Variants in PGAP1 observed in about 807,000 individuals in gnomAD.
PGAP1 encodes the protein post-GPI attachment to proteins inositol deacylase 1, also known as GPI inositol-deacylase.
In PGAP1, 76 loss-of-function variants were observed where a neutral mutation model predicts 127.0. That is an observed-to-expected ratio of 0.60 (90% CI 0.50 to 0.72). The LOEUF is 0.72. PGAP1 is among the 30% of genes least tolerant of loss of function. The pLI, the probability that PGAP1 is intolerant of heterozygous loss-of-function variation, is 0.00. For missense variants in PGAP1, 982 were observed against 1,071.3 expected, an observed-to-expected ratio of 0.92 and a Z score of 1.16; for synonymous variants, 362 against 366.5, an observed-to-expected ratio of 0.99 and a Z score of 0.14.
Position 196,879,707 on chromosome 2 carries a change from CA to C in PGAP1, c.1350+368del, listed in dbSNP as rs372776790. The stretch of plus-strand genomic sequence containing the variant: ...AAGACTCTTTCTCAAAAAAACAAAA[CA>C]AAACCAGGGTCATGTCTTCATTTGT... On this transcript the variant is annotated intron_variant, in intron 13 of 26. Coordinates refer to ENST00000354764, the MANE Select transcript of PGAP1 (RefSeq NM_024989.4). 1.2e-3 allele frequency among the ~76,000 whole-genome samples: 178 copies of C among 152,178 alleles called. 2 individuals carry two copies. The South Asian group carries it at 0.035, about 30-fold the overall frequency.
rs1038285663 is a variant in PGAP1, at chr2:196,833,188, T to C, written c.*8046A>G. 1.3e-5 allele frequency: 2 copies of C among 152,564 alleles called. No homozygotes were observed. The highest frequency in any genetic ancestry group is 2.9e-5 in the Non-Finnish European group (2 of 68,018). 9.5% of individuals were successfully genotyped at this position (152,564 alleles called of 1,614,324 possible). ...AACATTCACAACACACTCTACAGAA[T>C]ATAGTAAGTAGTACTTTTTGTGAAT... is the stretch of plus-strand genomic sequence containing the variant. On this transcript the variant is annotated 3_prime_UTR_variant, in exon 27 of 27. Transcript: ENST00000354764.
chr2:196,917,740 A>G (rs1703063667), intron 2 of PGAP1, among the ~76,000 whole-genome samples: 1 of 152,174 alleles, frequency 6.6e-6, no homozygotes, highest in East Asian at 1.9e-4. Flanking sequence ...TCTATTTATC[A>G]GCTGATGGTC....
rs10460392 is a variant in PGAP1 at position 196,846,515 on chromosome 2, G to T, written c.2150+488C>A. Reference sequence around the variant, plus strand: ...TAAGGAGGAGTGGCAATGGGCACTAGATTGATGATTTACCAGGAAAGCCTA... The same window carrying T: ...TAAGGAGGAGTGGCAATGGGCACTATATTGATGATTTACCAGGAAAGCCTA... On this transcript the variant is annotated intron_variant, in intron 22 of 26. Coordinates refer to ENST00000354764, the MANE Select transcript of PGAP1 (RefSeq NM_024989.4). Among the ~76,000 whole-genome samples the T allele has an allele frequency of 1.1e-3, 163 of 152,232 alleles. No individual in the cohort carries two copies. In the East Asian group the frequency reaches 0.019, roughly 18 times the overall value.
chr2:196,917,113 C>T (rs1703037483), intron 2 of PGAP1, among the ~76,000 whole-genome samples: 1 of 152,160 alleles, frequency 6.6e-6, no homozygotes, highest in Non-Finnish European at 1.5e-5. Flanking sequence ...CCACTATTGT[C>T]CTAATCCAAA....
rs1700298524 is a variant in PGAP1 at position 196,838,539 on chromosome 2, T to C, written c.*2695A>G. On this transcript the variant is annotated 3_prime_UTR_variant, in exon 27 of 27. Transcript: ENST00000354764. Reference sequence around the variant, plus strand: ...AGACTCAATGAAGACCCTGTCAAAATGTAAGTGTATACATATGTGTCTGTA... The same window carrying C: ...AGACTCAATGAAGACCCTGTCAAAACGTAAGTGTATACATATGTGTCTGTA... The C allele has an allele frequency of 1.3e-5, 2 of 152,212 alleles. No homozygotes were observed. Among genetic ancestry groups the C allele is most frequent in the South Asian group, 4.1e-4 (2 of 4,834 alleles). 9.4% of individuals were successfully genotyped at this position (152,212 alleles called of 1,614,324 possible).
intron 20 of PGAP1, among the ~76,000 whole-genome samples, chr2:196,856,812 G>C (rs758098081): frequency 6.6e-6 from 1 of 152,166 alleles, no homozygotes; most frequent in African/African-American, 2.4e-5. Flanking sequence ...TATTCAACTG[G>C]TTGTGTTTAA....
intron 5 of PGAP1, 136 bp from the exon 6 acceptor site, chr2:196,898,505 G>T: frequency 1.8e-6 from 1 of 546,414 alleles, no homozygotes; most frequent in Non-Finnish European, 3.3e-6. Context: ...ATTTTTAAAT[G>T]ATATTCTTAT....
chr2:196,847,963 T>C lies in PGAP1; in HGVS notation c.1936A>G (p.Ile646Val). ...AAAACTTACCCCAACAGAAACTTAATGATAATTACAAAAGGATCAACTTTG... is the reference window on the plus strand; with the variant it reads ...AAAACTTACCCCAACAGAAACTTAACGATAATTACAAAAGGATCAACTTTG... ...PYKVDPFVII[I>V]KFLLGYKWFK... The change falls in exon 21 of 27, where the codon ATT (isoleucine) becomes GTT (valine). Residue 646 changes from isoleucine (I) to valine (V), a missense_variant. By Grantham distance (29) the Ile-to-Val change is conservative. Coordinates refer to ENST00000354764, the MANE Select transcript of PGAP1 (RefSeq NM_024989.4). The C allele has an allele frequency of 6.3e-7, 1 of 1,588,906 alleles. No homozygotes were observed. Among genetic ancestry groups the C allele is most frequent in the South Asian group, 1.2e-5 (1 of 85,688 alleles).
intron 18 of PGAP1, among the ~76,000 whole-genome samples, chr2:196,871,906 A>C (rs1701421723): frequency 6.6e-6 from 1 of 152,204 alleles, no homozygotes; most frequent in African/African-American, 2.4e-5. Context: ...TCATGAATCC[A>C]TAAGTAACTA....
In PGAP1 at chr2:196,923,312, T is replaced by C. The variant is rs563829391; in HGVS notation, c.147+3158A>G. Among the ~76,000 whole-genome samples the C allele has an allele frequency of 3.9e-5, 6 of 152,332 alleles. No homozygotes were observed. The South Asian group carries it at 1.0e-3, about 26-fold the overall frequency. On this transcript the variant is annotated intron_variant, in intron 1 of 26. Coordinates refer to ENST00000354764, the MANE Select transcript of PGAP1 (RefSeq NM_024989.4). ...TACTATTTATGCCTGCAATGTTCTT[T>C]CAGTACTTCATACACCCTCCATGTC...
intron 2 of PGAP1, 104 bp from the exon 3 acceptor site, chr2:196,916,697 A>G (rs773275799): frequency 4.4e-5 from 49 of 1,115,126 alleles, no homozygotes; most frequent in Non-Finnish European, 5.8e-5. Flanking sequence ...CATCACGAAT[A>G]TAAACCACCT....
rs774139284 is a variant in PGAP1 at position 196,890,853 on chromosome 2, T to G, written c.1148A>C (p.His383Pro). ...CAGCATAGTGCTCTGACAATAGACA[T>G]GAGTGTAGATTTTTCTATGATTTTC... ...PLENHRKIYT[H>P]VYCQSTMLDT... Residue 383 changes from histidine to proline, a missense_variant, in exon 10 of 27, where the codon CAT (histidine) becomes CCT (proline). Transcript: ENST00000354764. 3.9e-6 allele frequency: 6 copies of G among 1,545,708 alleles called. No homozygotes were observed. Among genetic ancestry groups the G allele is most frequent in the Non-Finnish European group, 5.4e-6 (6 of 1,118,322 alleles).
rs1267182430 is a variant in PGAP1 at position 196,873,740 on chromosome 2, A to G, written c.1445T>C (p.Val482Ala). ...GTATAGGCCATTTGTATTTAACACCACTTTCCTTGAAGACAATCCTGTTGA... is the reference window on the plus strand; with the variant it reads ...GTATAGGCCATTTGTATTTAACACCGCTTTCCTTGAAGACAATCCTGTTGA... ...LFSFGLSSRK[V>A]VLNTNGLYYN... The change falls in exon 15 of 27, where the codon GTG (valine) becomes GCG (alanine). Residue 482 changes from valine to alanine, a missense_variant. Transcript: ENST00000354764. The G allele has an allele frequency of 1.9e-6, 3 of 1,610,864 alleles. No individual in the cohort carries two copies. Among genetic ancestry groups the G allele is most frequent in the Non-Finnish European group, 2.5e-6 (3 of 1,177,472 alleles).
chr2:196,844,656 C>G, intron 23 of PGAP1, 82 bp from the exon 24 acceptor site: 1 of 906,738 alleles, frequency 1.1e-6, no homozygotes, highest in Non-Finnish European at 1.7e-6. Flanking sequence ...AAATGAGAAG[C>G]ACTGTAATCT....
At chr2:196,916,780 G>T (rs1288357963) in intron 2 of PGAP1, among the ~76,000 whole-genome samples, 187 bp from the exon 3 acceptor site, 1 of 152,196 alleles carries the variant, frequency 6.6e-6, no homozygotes, top group African/African-American at 2.4e-5. Flanking sequence ...CTTGAATGCA[G>T]TAAGTGTGTC....
chr2:196,887,919 A>C (rs905739020), intron 10 of PGAP1, among the ~76,000 whole-genome samples: 2 of 152,208 alleles, frequency 1.3e-5, no homozygotes, highest in Non-Finnish European at 2.9e-5. Context: ...CTAGCAGCCT[A>C]TAAAGATCCA....
chr2:196,890,690 A>G, intron 10 of PGAP1, 138 bp downstream of exon 10: 2 of 571,026 alleles, frequency 3.5e-6, no homozygotes, highest in South Asian at 2.8e-5. Context: ...TTTTCAATCA[A>G]AACACTCGTC....
chr2:196,846,076 A>G (rs1700548414), intron 22 of PGAP1, 59 bp from the exon 23 acceptor site: 6 of 1,104,046 alleles, frequency 5.4e-6, no homozygotes, highest in Admixed American at 2.6e-5. Context: ...ATAGTCACAT[A>G]TAAGAAGAAA....
chr2:196,864,981 T>A lies in PGAP1; in HGVS notation c.1861+6A>T. On this transcript the variant is annotated splice_donor_region_variant and intron_variant, in intron 20 of 26. Transcript: ENST00000354764. ...AAAGTAACTTAAAAATTAGAAGCAT[T>A]CTTACCTGTTGAGAAAAGAGAATAT... 1 of 1,481,358 alleles carries A rather than the reference T, an allele frequency of 6.8e-7. No individual in the cohort carries two copies. 91.8% of individuals were successfully genotyped at this position (1,481,358 alleles called of 1,614,324 possible).
Sources: allele counts gnomAD v4.1 joint callset (sites outside exome capture counted in the v4.1 genomes callset), GRCh38; gene constraint gnomAD v4.1.1; transcripts MANE v1.5; gene names NCBI Gene and HGNC (gene_info 2026-07-23, HGNC 2026-07-21).